ZC3H12D: variants seen among roughly 807,000 people sequenced by gnomAD.
The protein encoded by ZC3H12D is zinc finger CCCH-type containing 12D.
ZC3H12D carries 11 observed loss-of-function variants against 24.2 expected under a neutral mutation model. That is an observed-to-expected ratio of 0.46 (90% CI 0.29 to 0.75). The LOEUF (loss-of-function observed/expected upper bound fraction) is 0.75. Ranked by LOEUF, ZC3H12D falls within the 30% of genes least tolerant of loss-of-function variation. ZC3H12D has a pLI of 0.11. For synonymous variants in ZC3H12D, 333 were observed against 341.8 expected, an observed-to-expected ratio of 0.97 and a Z score of 0.28; for missense variants, 740 against 767.7, an observed-to-expected ratio of 0.96 and a Z score of 0.43.
rs1583182891 is a variant in ZC3H12D, at chr6:149,451,491, G to C, written c.788-12C>G. The C allele has an allele frequency of 6.4e-7, 1 of 1,558,064 alleles. No homozygotes were observed. ...GGTGCATTTCTTGCCTGAAAGGGGC[G>C]GGGGCAGAGAGGGCGCGACGTGAGG... On this transcript the variant is annotated splice_polypyrimidine_tract_variant and intron_variant, in intron 5 of 5. Coordinates refer to ENST00000409806, the MANE Select transcript of ZC3H12D (RefSeq NM_207360.3).
Position 149,461,871 on chromosome 6 carries a change from G to T in ZC3H12D, c.405C>A (p.Ser135=). 1 of 1,584,816 alleles carries T rather than the reference G, an allele frequency of 6.3e-7. No homozygotes were observed. The highest frequency in any genetic ancestry group is 1.2e-5 in the South Asian group (1 of 86,254). Residue 135 remains serine, a synonymous_variant, in exon 3 of 6, where the codon TCC becomes TCA. Transcript: ENST00000409806. ...GHTYIKVFVP[S]WRKDPPRADT... ...CAGCTCTTGGTGGGTCCTTCCTCCA[G>T]GATGGAACAAAAACTTTGATGTAGG...
chr6:149,478,986 C>T (rs573090752), intron 1 of ZC3H12D, among the ~76,000 whole-genome samples: 3 of 152,220 alleles, frequency 2.0e-5, no homozygotes, highest in Non-Finnish European at 4.4e-5. Context: ...CTGACACTGA[C>T]CACCTCACTG....
At chr6:149,472,146 G>T (rs1384093196) in intron 2 of ZC3H12D, among the ~76,000 whole-genome samples, 1 of 152,208 alleles carries the variant, frequency 6.6e-6, no homozygotes, top group African/African-American at 2.4e-5. Flanking sequence ...CCTGTTAAAA[G>T]TCCCATTGGA....
chr6:149,464,451 G>A (rs1424307016), intron 2 of ZC3H12D, among the ~76,000 whole-genome samples: 4 of 152,046 alleles, frequency 2.6e-5, no homozygotes, highest in East Asian at 1.9e-4. Context: ...ATCCTCTTCC[G>A]CCTTCAGATC....
intron 1 of ZC3H12D, among the ~76,000 whole-genome samples, chr6:149,477,520 G>A (rs1283932441): frequency 1.3e-5 from 2 of 152,224 alleles, no homozygotes; most frequent in African/African-American, 4.8e-5. Context: ...ATTGTGGACT[G>A]CCCTTTCTTG....
At chr6:149,482,298 T>G (rs1056960972) in intron 1 of ZC3H12D, among the ~76,000 whole-genome samples, 5 of 152,210 alleles carry the variant, frequency 3.3e-5, no homozygotes, top group African/African-American at 4.8e-5. Flanking sequence ...GCCGCAGCCT[T>G]CCCCCGGGAC....
intron 2 of ZC3H12D, among the ~76,000 whole-genome samples, chr6:149,470,204 C>T (rs1459391801): frequency 6.6e-6 from 1 of 151,976 alleles, no homozygotes; most frequent in Non-Finnish European, 1.5e-5. Context: ...ACTAAAAATA[C>T]AAAAAATTAG....
chr6:149,465,770 G>T (rs922556577), intron 2 of ZC3H12D, among the ~76,000 whole-genome samples: 85 of 151,678 alleles, frequency 5.6e-4, no homozygotes, highest in Non-Finnish European at 8.3e-4. Flanking sequence ...AAAAAAAGGG[G>T]GGGGGAAGAG....
At position 149,450,696 on chromosome 6, in the gene ZC3H12D, A is replaced by T; in HGVS notation, c.1571T>A (p.Leu524Gln). The change falls in exon 6 of 6, where the codon CTG becomes CAG. Residue 524 changes from leucine (L) to glutamine (Q), a missense_variant. Transcript: ENST00000409806. Reference protein sequence around the residue: ...VQRCQSAGAPLGKP With the variant: ...VQRCQSAGAPQGKP ...CGTGTTGGTCCCTTAGGGCTTGCCC[A>T]GGGGCGCCCCCGCGCTCTGGCATCT... The T allele has an allele frequency of 6.5e-7, 1 of 1,532,752 alleles. No individual in the cohort carries two copies. 94.9% of individuals were successfully genotyped at this position (1,532,752 alleles called of 1,614,324 possible).
intron 1 of ZC3H12D, among the ~76,000 whole-genome samples, chr6:149,479,337 G>A (rs1249633733): frequency 6.6e-6 from 1 of 152,172 alleles, no homozygotes; most frequent in Non-Finnish European, 1.5e-5. Flanking sequence ...CCAAGCCTGG[G>A]TGACAGAGCA....
At chr6:149,482,181 T>C (rs1027531805) in intron 1 of ZC3H12D, among the ~76,000 whole-genome samples, 2 of 152,258 alleles carry the variant, frequency 1.3e-5, no homozygotes, top group Admixed American at 1.3e-4. Flanking sequence ...AGGCTTTTTC[T>C]CCCTTGAGAC....
At position 149,456,711 on chromosome 6, in the gene ZC3H12D, C is replaced by T; in HGVS notation, c.635G>A (p.Trp212Ter). The change falls in exon 4 of 6, where the codon TGG (tryptophan) becomes TAG (stop). Residue 212 changes from tryptophan to a stop codon, truncating the protein, a stop_gained. Coordinates refer to ENST00000409806, the MANE Select transcript of ZC3H12D (RefSeq NM_207360.3). LOFTEE classifies it high-confidence loss of function. This position sits in a 1 kb window ranked among gnomAD's most constrained non-coding sequence, Gnocchi z 4.3. ...CATGAGCAGCCTCTGCTCGATGAAC[C>T]ACTTCCACTCGGGGTTCTCGCTCTG... Reference protein sequence around the residue: ...DLQSENPEWKWFIEQRLLMFS... With the variant: ...DLQSENPEWK The T allele has an allele frequency of 6.2e-7, 1 of 1,613,736 alleles. No homozygotes were observed. Among genetic ancestry groups the T allele is most frequent in the Non-Finnish European group, 8.5e-7 (1 of 1,179,752 alleles).
At chr6:149,454,935 C>T (rs1356877576) in intron 4 of ZC3H12D, among the ~76,000 whole-genome samples, 1 of 152,232 alleles carries the variant, frequency 6.6e-6, no homozygotes, top group African/African-American at 2.4e-5. Context: ...GGGCAGTTGG[C>T]CTTGGGGACC....
chr6:149,450,903 G>T lies in ZC3H12D; in HGVS notation c.1364C>A (p.Pro455Gln). Residue 455 changes from proline (P) to glutamine (Q), a missense_variant, in exon 6 of 6, where the codon CCG becomes CAG. Physicochemically the swap from Pro to Gln is moderately conservative, Grantham distance 76. Coordinates refer to ENST00000409806, the MANE Select transcript of ZC3H12D (RefSeq NM_207360.3). The stretch of plus-strand genomic sequence containing the variant: ...CCCAGTGGCGCCGTCGCCCCAGGCC[G>T]GCTCCGCCCAGACGGAGCGCCCAGG... ...RFPGRSVWAE[P>Q]AWGDGATGGL... is the part of the protein sequence containing the mutation. 1 of 1,540,426 alleles carries T rather than the reference G, an allele frequency of 6.5e-7. No homozygotes were observed. The highest frequency in any genetic ancestry group is 2.4e-5 in the East Asian group (1 of 40,884).
At chr6:149,481,839 G>C (rs573128290) in intron 1 of ZC3H12D, among the ~76,000 whole-genome samples, 1 of 152,240 alleles carries the variant, frequency 6.6e-6, no homozygotes, top group African/African-American at 2.4e-5. Context: ...ATGATTTGTC[G>C]TTTTGAGATG....
chr6:149,449,441 C>CTTTTTTT lies in ZC3H12D; in HGVS notation c.*1235_*1241dup, dbSNP rs57506869. On this transcript the variant is annotated 3_prime_UTR_variant, in exon 6 of 6. Transcript: ENST00000409806. ...ACAGAGTGACAGAGTGAGACTCTGT[C>CTTTTTTT]TTTTTTTTTTTTTTAAGACGGAGTC... 6.9e-6 allele frequency: 1 copy of CTTTTTTT among 144,134 alleles called. No homozygotes were observed. Among genetic ancestry groups the CTTTTTTT allele is most frequent in the African/African-American group, 2.5e-5 (1 of 39,374 alleles). 8.9% of individuals were successfully genotyped at this position (144,134 alleles called of 1,614,324 possible).
Position 149,450,943 on chromosome 6 carries a change from G to T in ZC3H12D, c.1324C>A (p.Arg442Ser). The part of the protein sequence containing the change: ...PPDDPWARPP[R>S]SDRFPGRSVW... ...GAGCGCCCAGGGAAGCGGTCGGAGC[G>T]GGGTGGACGGGCCCACGGGTCGTCG... is the stretch of plus-strand genomic sequence containing the variant. The change falls in exon 6 of 6, where the codon CGC becomes AGC. Residue 442 changes from arginine (R) to serine (S), a missense_variant. Coordinates refer to ENST00000409806, the MANE Select transcript of ZC3H12D (RefSeq NM_207360.3). The T allele has an allele frequency of 6.5e-7, 1 of 1,537,418 alleles. No individual in the cohort carries two copies. Among genetic ancestry groups the T allele is most frequent in the Non-Finnish European group, 8.7e-7 (1 of 1,144,652 alleles).
intron 1 of ZC3H12D, among the ~76,000 whole-genome samples, chr6:149,477,818 G>A (rs966739797): frequency 6.6e-6 from 1 of 152,168 alleles, no homozygotes; most frequent in Admixed American, 6.5e-5. Context: ...GGTTCCCAAG[G>A]TGTGGTCTAG....
chr6:149,459,831 G>A lies in ZC3H12D; in HGVS notation c.445+2000C>T, dbSNP rs115121812. Among the ~76,000 whole-genome samples, 779 of 152,330 alleles carry A rather than the reference G, an allele frequency of 5.1e-3. 8 individuals carry two copies. The highest frequency in any genetic ancestry group is 0.017 in the African/African-American group (710 of 41,576). On this transcript the variant is annotated intron_variant, in intron 3 of 5. Coordinates refer to ENST00000409806, the MANE Select transcript of ZC3H12D (RefSeq NM_207360.3). ...CCTGCTCCATGCCAGGTATACTAAAGTGAAAACTGCCAGTCAACACAAATG... is the reference window on the plus strand; with the variant it reads ...CCTGCTCCATGCCAGGTATACTAAAATGAAAACTGCCAGTCAACACAAATG...
Sources: gnomAD v4.1 joint callset for allele counts (sites outside exome capture counted in the v4.1 genomes callset) on GRCh38, gnomAD v4.1.1 for gene constraint, Gnocchi (gnomAD v3.1) non-coding constraint, MANE v1.5 for transcripts, NCBI Gene and HGNC (gene_info 2026-07-23, HGNC 2026-07-21) for gene names.